RELN: variants seen among roughly 807,000 people sequenced by gnomAD.
RELN encodes the protein reelin.
Under a neutral mutation model 427.6 loss-of-function variants are expected in RELN, and 108 were observed. The ratio of observed to expected loss-of-function variants is 0.25; its 90% confidence interval spans 0.22 to 0.30. RELN has a LOEUF of 0.30. Among genes scored for constraint, RELN ranks in the 10% least tolerant of loss-of-function variants. RELN has a pLI of 1.00. For synonymous variants in RELN, 1,524 were observed against 1,513.4 expected, an observed-to-expected ratio of 1.01 and a Z score of -0.16; for missense variants, 3,715 against 4,302.8, an observed-to-expected ratio of 0.86 and a Z score of 3.82.
chr7:103,670,626 G>T lies in RELN; in HGVS notation c.1290-9099C>A, dbSNP rs1054702254. Among the ~76,000 whole-genome samples the T allele has an allele frequency of 2.0e-5, 3 of 152,040 alleles. No homozygotes were observed. In the East Asian group the frequency reaches 5.8e-4, roughly 29 times the overall value. Reference sequence around the variant, plus strand: ...GAAGAATGGGAATTAGCATGGGGGGGAAATTTTAGACTTTTACTTTGCTCA... The same window carrying T: ...GAAGAATGGGAATTAGCATGGGGGGTAAATTTTAGACTTTTACTTTGCTCA... On this transcript the variant is annotated intron_variant, in intron 11 of 64. Coordinates refer to ENST00000428762, the MANE Select transcript of RELN (RefSeq NM_005045.4).
chr7:103,935,868 C>A (rs957172246), intron 1 of RELN, among the ~76,000 whole-genome samples: 3 of 152,086 alleles, frequency 2.0e-5, no homozygotes, highest in South Asian at 4.1e-4. Context: ...CAATTTGATC[C>A]TTTCTCAGTA....
chr7:103,821,877 C>T (rs964728630), intron 3 of RELN, among the ~76,000 whole-genome samples: 2 of 152,088 alleles, frequency 1.3e-5, no homozygotes, highest in East Asian at 1.9e-4. Flanking sequence ...AACGAATATG[C>T]TCATGCTATT....
rs961971333 is a variant in RELN at position 103,472,714 on chromosome 7, T to G, written c.*98A>C. 7.2e-6 allele frequency: 7 copies of G among 977,092 alleles called. No individual in the cohort carries two copies. In the African/African-American group the frequency reaches 1.1e-4, roughly 16 times the overall value. 60.5% of individuals were successfully genotyped at this position (977,092 alleles called of 1,614,324 possible). ...GGCTTTCAGGTAATCACCAAGTCCT[T>G]CACAGATATTTCCTGATATCAGATG... On this transcript the variant is annotated 3_prime_UTR_variant, in exon 65 of 65. Coordinates refer to ENST00000428762, the MANE Select transcript of RELN (RefSeq NM_005045.4).
chr7:103,574,978 A>G (rs1006827358), intron 29 of RELN, among the ~76,000 whole-genome samples: 1 of 152,178 alleles, frequency 6.6e-6, no homozygotes, highest in African/African-American at 2.4e-5. Flanking sequence ...TTATCCTAAG[A>G]TGCATTTTTA....
chr7:103,630,208 T>G, intron 19 of RELN, 32 bp from the exon 20 acceptor site: 2 of 1,422,104 alleles, frequency 1.4e-6, no homozygotes, highest in South Asian at 2.3e-5. Context: ...AAATTTAGAT[T>G]ATTTTGGTAT....
intron 52 of RELN, among the ~76,000 whole-genome samples, chr7:103,502,376 G>A (rs780027276): frequency 1.3e-5 from 2 of 152,196 alleles, no homozygotes; most frequent in Non-Finnish European, 2.9e-5. Flanking sequence ...GATTAATACA[G>A]TCTAGGTGCA....
At position 103,967,199 on chromosome 7, in the gene RELN, A is replaced by G. The variant is rs552260778; in HGVS notation, c.226+21932T>C. On this transcript the variant is annotated intron_variant, in intron 1 of 64. Coordinates refer to ENST00000428762, the MANE Select transcript of RELN (RefSeq NM_005045.4). ...GGCAGGATTCTAACCCATGGAGACC[A>G]ATTCCAAAGCCTACGCTCTTAGTCA... Among the ~76,000 whole-genome samples the G allele has an allele frequency of 4.2e-3, 633 of 152,192 alleles. 4 individuals are homozygous for G. The highest frequency in any genetic ancestry group is 0.014 in the African/African-American group (594 of 41,522).
chr7:103,735,196 T>G (rs1407796832), intron 6 of RELN, among the ~76,000 whole-genome samples: 1 of 152,200 alleles, frequency 6.6e-6, no homozygotes, highest in African/African-American at 2.4e-5. Context: ...TCTTCCACTG[T>G]AACAAGCTCC....
intron 1 of RELN, among the ~76,000 whole-genome samples, chr7:103,926,811 A>T (rs1364080347): frequency 6.6e-6 from 1 of 151,356 alleles, no homozygotes; most frequent in Non-Finnish European, 1.5e-5. Flanking sequence ...CATCCAGCTA[A>T]TTTTTTTTGT....
chr7:103,834,605 AAAAC>A (rs1793355834), intron 2 of RELN, among the ~76,000 whole-genome samples: 1 of 152,204 alleles, frequency 6.6e-6, no homozygotes, highest in Non-Finnish European at 1.5e-5. Flanking sequence ...CAACAACTAA[AAAAC>A]AAACAACCTA....
intron 2 of RELN, among the ~76,000 whole-genome samples, chr7:103,896,808 A>T (rs1794971213): frequency 1.3e-5 from 2 of 152,110 alleles, no homozygotes; most frequent in African/African-American, 4.8e-5. Flanking sequence ...AATTTTTCAT[A>T]ATAAAATGTT....
At chr7:103,775,867 C>T (rs950706864) in intron 4 of RELN, among the ~76,000 whole-genome samples, 5 of 152,152 alleles carry the variant, frequency 3.3e-5, no homozygotes, top group Non-Finnish European at 2.9e-5. Flanking sequence ...AGCTCAGTCT[C>T]TCTAGGGCAA....
At chr7:103,704,242 T>C (rs1228280719) in intron 8 of RELN, among the ~76,000 whole-genome samples, 1 of 152,194 alleles carries the variant, frequency 6.6e-6, no homozygotes, top group African/African-American at 2.4e-5. Flanking sequence ...ATAAGGCAAA[T>C]TGTTACCAAT....
At chr7:103,940,410 T>C (rs1056249442) in intron 1 of RELN, among the ~76,000 whole-genome samples, 1 of 152,222 alleles carries the variant, frequency 6.6e-6, no homozygotes, top group Admixed American at 6.5e-5. Flanking sequence ...ATTAGATTTG[T>C]TATTACAACC....
At chr7:103,964,918 G>C (rs776407285) in intron 1 of RELN, among the ~76,000 whole-genome samples, 1 of 152,104 alleles carries the variant, frequency 6.6e-6, no homozygotes, top group Non-Finnish European at 1.5e-5. Flanking sequence ...GAATAACTTA[G>C]GACAAGTTAC....
chr7:103,550,070 T>C (rs115277142), intron 41 of RELN, among the ~76,000 whole-genome samples: 91 of 152,332 alleles, frequency 6.0e-4, no homozygotes, highest in African/African-American at 2.2e-3. Flanking sequence ...GAGAATCATA[T>C]CCTGGCATAA....
chr7:103,543,365 G>T (rs188076779), intron 42 of RELN, among the ~76,000 whole-genome samples: 206 of 152,328 alleles, frequency 1.4e-3, no homozygotes, highest in African/African-American at 4.8e-3. Context: ...CGCCTTTAAG[G>T]CTGGGTGCGG....
intron 3 of RELN, among the ~76,000 whole-genome samples, chr7:103,781,830 G>A (rs570938441): frequency 1.3e-5 from 2 of 151,376 alleles, no homozygotes; most frequent in South Asian, 4.2e-4. Context: ...TTCCAGAATT[G>A]TTATTTTATG....
At chr7:103,948,106 T>C (rs141068872) in intron 1 of RELN, among the ~76,000 whole-genome samples, 1 of 152,352 alleles carries the variant, frequency 6.6e-6, no homozygotes, top group Non-Finnish European at 1.5e-5. Context: ...TACAAGTATA[T>C]TGATGTTTAA....
Sources: gnomAD v4.1 joint callset for allele counts (sites outside exome capture counted in the v4.1 genomes callset) on GRCh38, gnomAD v4.1.1 for gene constraint, MANE v1.5 for transcripts, NCBI Gene and HGNC (gene_info 2026-07-23, HGNC 2026-07-21) for gene names.